The following SORCS1 variants were observed in gnomAD, a reference collection of about 807,000 sequenced individuals.
SORCS1 encodes the protein sortilin related VPS10 domain containing receptor 1, also known as VPS10 domain-containing receptor SorCS1.
SORCS1 carries 60 observed loss-of-function variants against 146.1 expected under a neutral mutation model. The ratio of observed to expected loss-of-function variants is 0.41; its 90% CI spans 0.33 to 0.51. The LOEUF is 0.51. Ranked by LOEUF, SORCS1 falls within the 20% of genes least tolerant of loss-of-function variation. The pLI is 0.21. For missense variants in SORCS1, 1,352 were observed against 1,487.6 expected (o/e 0.91, Z 1.50); for synonymous variants, 637 against 584.0 (o/e 1.09, Z -1.31).
chr10:106,710,756 C>T (rs1008119644), intron 6 of SORCS1, among the ~76,000 whole-genome samples: 17 of 152,142 alleles, frequency 1.1e-4, no homozygotes, highest in African/African-American at 3.6e-4. Flanking sequence ...CTCCAACCTC[C>T]CCCACTTCTC....
rs77570700 is a variant in SORCS1 at position 106,647,718 on chromosome 10, C to A, written c.2475+4664G>T. Among the ~76,000 whole-genome samples the A allele has an allele frequency of 8.9e-3, 1,349 of 152,164 alleles. 8 individuals are homozygous for A. Among genetic ancestry groups the A allele is most frequent in the Non-Finnish European group, 0.015 (997 of 67,996 alleles). ...TAAATCATACACATTAATGTGAAAC[C>A]TAAAGAGAAATCTTGTGGTATGACT... On this transcript the variant is annotated intron_variant, in intron 18 of 25. Coordinates refer to ENST00000263054, the MANE Select transcript of SORCS1 (RefSeq NM_052918.5).
At chr10:107,106,356 A>G (rs1474991339) in intron 1 of SORCS1, among the ~76,000 whole-genome samples, 2 of 152,230 alleles carry the variant, frequency 1.3e-5, no homozygotes, top group African/African-American at 4.8e-5. Flanking sequence ...CAGTGCTAGC[A>G]TATCACAAGC....
chr10:107,039,730 T>C (rs1041127490), intron 1 of SORCS1, among the ~76,000 whole-genome samples: 18 of 152,218 alleles, frequency 1.2e-4, no homozygotes, highest in African/African-American at 4.1e-4. Flanking sequence ...CTGCAATCTA[T>C]GTTAAATAGA....
At chr10:107,023,429 T>C (rs548949493) in intron 1 of SORCS1, among the ~76,000 whole-genome samples, 22 of 152,348 alleles carry the variant, frequency 1.4e-4, no homozygotes, top group African/African-American at 5.3e-4. Context: ...TGCAGAATTT[T>C]AGTCAATATA....
At position 107,125,769 on chromosome 10, in the gene SORCS1, C is replaced by T. The variant is rs980102790; in HGVS notation, c.558+38200G>A. On this transcript the variant is annotated intron_variant, in intron 1 of 25. Transcript: ENST00000263054. ...TGAATCATTCAGTTCTTTTTTTCCC[C>T]CTCTGCTACTAATAACTGAAGTTTA... Among the ~76,000 whole-genome samples the T allele has an allele frequency of 8.5e-5, 13 of 152,212 alleles. 1 individual carries two copies. The highest frequency in any genetic ancestry group is 4.6e-4 in the Admixed American group (7 of 15,290).
At position 107,099,441 on chromosome 10, in the gene SORCS1, A is replaced by G. The variant is rs79277078; in HGVS notation, c.558+64528T>C. 9.2e-3 allele frequency among the ~76,000 whole-genome samples: 1,407 copies of G among 152,332 alleles called. 17 individuals are homozygous for G. Among genetic ancestry groups the G allele is most frequent in the Non-Finnish European group, 0.01 (700 of 68,028 alleles). On this transcript the variant is annotated intron_variant, in intron 1 of 25. Coordinates refer to ENST00000263054, the MANE Select transcript of SORCS1 (RefSeq NM_052918.5). The stretch of plus-strand genomic sequence containing the variant: ...ACAAGATTCCCTAAAGGAGTGGTCT[A>G]TGTGCTATGCATAGACCTTTAGCCT...
At chr10:106,690,000 T>C (rs1256394165) in intron 9 of SORCS1, among the ~76,000 whole-genome samples, 1 of 152,180 alleles carries the variant, frequency 6.6e-6, no homozygotes. Flanking sequence ...CTTTGAACTA[T>C]CATACTCAGG....
At chr10:106,835,929 C>T (rs1346231584) in intron 2 of SORCS1, among the ~76,000 whole-genome samples, 3 of 151,368 alleles carry the variant, frequency 2.0e-5, no homozygotes, top group East Asian at 3.9e-4. Flanking sequence ...CGCTTGAACT[C>T]GGAAGGCGGA....
At chr10:106,780,967 G>T (rs1040128672) in intron 3 of SORCS1, among the ~76,000 whole-genome samples, 1 of 143,844 alleles carries the variant, frequency 7.0e-6, no homozygotes, top group Admixed American at 6.9e-5. Context: ...TTTCAAATAC[G>T]TCACTTCTCC....
intron 15 of SORCS1, 91 bp from the exon 16 acceptor site, chr10:106,671,458 T>C: frequency 6.5e-7 from 1 of 1,545,470 alleles, no homozygotes; most frequent in South Asian, 1.2e-5. Flanking sequence ...CATTTGCACA[T>C]CTTAGTGTAA....
intron 18 of SORCS1, among the ~76,000 whole-genome samples, chr10:106,641,822 T>A (rs558210257): frequency 5.0e-4 from 76 of 152,066 alleles, no homozygotes; most frequent in Non-Finnish European, 9.4e-4. Context: ...AATTTATTAT[T>A]AATCTTTTTT....
chr10:106,792,894 C>T (rs903548416), intron 3 of SORCS1, among the ~76,000 whole-genome samples: 8 of 152,014 alleles, frequency 5.3e-5, no homozygotes, highest in Middle Eastern at 3.2e-3. Flanking sequence ...TAGAAAAACA[C>T]GACTTTTGGA....
At chr10:107,175,695 C>A in the SORCS1 span, among the ~76,000 whole-genome samples, 1 of 152,174 alleles carries the variant, frequency 6.6e-6, no homozygotes, top group Admixed American at 6.5e-5. Flanking sequence ...CTTGGTCTCC[C>A]AAAGTGCTGG....
At chr10:106,833,880 G>C (rs1016610883) in intron 2 of SORCS1, among the ~76,000 whole-genome samples, 1 of 152,094 alleles carries the variant, frequency 6.6e-6, no homozygotes, top group Non-Finnish European at 1.5e-5. Context: ...TGCAAGCTCC[G>C]CCTCCTGGGT....
intron 1 of SORCS1, among the ~76,000 whole-genome samples, chr10:107,081,428 T>C (rs556978769): frequency 4.6e-5 from 7 of 152,332 alleles, no homozygotes; most frequent in Admixed American, 1.3e-4. Context: ...ACTAAACCAT[T>C]GTTGCATAGA....
intron 1 of SORCS1, among the ~76,000 whole-genome samples, chr10:107,142,864 C>G (rs1322116040): frequency 2.0e-5 from 3 of 152,310 alleles, no homozygotes; most frequent in African/African-American, 7.2e-5. Flanking sequence ...ATTAAATACA[C>G]AGGAAATTTG....
chr10:106,830,569 T>C (rs1473944567), intron 2 of SORCS1, among the ~76,000 whole-genome samples: 1 of 150,872 alleles, frequency 6.6e-6, no homozygotes. Flanking sequence ...TCAGCTTTTT[T>C]TTTTTTTCCT....
intron 1 of SORCS1, among the ~76,000 whole-genome samples, chr10:107,000,479 C>T (rs896499343): frequency 2.3e-4 from 35 of 151,856 alleles, no homozygotes; most frequent in Admixed American, 3.9e-4. Context: ...TGGTGGCACG[C>T]GCCTGTAGTC....
chr10:107,108,415 A>G (rs987893143), intron 1 of SORCS1, among the ~76,000 whole-genome samples: 2 of 152,204 alleles, frequency 1.3e-5, no homozygotes, highest in Non-Finnish European at 2.9e-5. Flanking sequence ...AGGAACAGGC[A>G]TATCACATGG....
Sources: allele counts gnomAD v4.1 joint callset (sites outside exome capture counted in the v4.1 genomes callset), GRCh38; gene constraint gnomAD v4.1.1; transcripts MANE v1.5; gene names NCBI Gene and HGNC (gene_info 2026-07-23, HGNC 2026-07-21).